The following APOO variants were observed in gnomAD, a reference collection of about 807,000 sequenced individuals.
The protein encoded by APOO is MICOS complex subunit MIC26.
A neutral mutation model predicts 23.1 loss-of-function variants in APOO; 11 were observed. The observed-to-expected ratio is 0.48, with a 90% CI of 0.30 to 0.79. The LOEUF is 0.79. Among genes scored for constraint, APOO ranks in the 30% least tolerant of loss-of-function variants. The pLI, the probability that APOO is intolerant of heterozygous loss-of-function variation, is 0.07. For synonymous variants in APOO, 59 were observed against 54.8 expected, an observed-to-expected ratio of 1.08 and a Z score of -0.34; for missense variants, 160 against 142.7, an observed-to-expected ratio of 1.12 and a Z score of -0.62.
intron 1 of APOO, among the ~76,000 whole-genome samples, chrX:23,896,427 T>C (rs1483739113): frequency 8.9e-6 from 1 of 111,855 alleles, no homozygotes; most frequent in African/African-American, 3.2e-5. Flanking sequence ...TTATAAAGGT[T>C]TGCCACAAAG....
intron 7 of APOO, among the ~76,000 whole-genome samples, chrX:23,855,912 G>A (rs1395825075): frequency 8.9e-6 from 1 of 111,962 alleles, no homozygotes; most frequent in Non-Finnish European, 1.9e-5. Context: ...CATGATAAGT[G>A]AAAAACCAAG....
At position 23,856,088 on chromosome X, in the gene APOO, G is replaced by A. The variant is rs184989232; in HGVS notation, c.561+214C>T. ...TACGGTGGAATGCATTGCATTTTAT[G>A]GTCACCACTTATTTGGCCCTGCTGA... On this transcript the variant is annotated intron_variant, in intron 7 of 8. Transcript: ENST00000379226. Among the ~76,000 whole-genome samples, 4 of 111,823 alleles carry A rather than the reference G, an allele frequency of 3.6e-5. No individual in the cohort carries two copies. In the Admixed American group the frequency reaches 3.8e-4, roughly 11 times the overall value.
At chrX:23,895,832 C>T (rs73481730) in intron 1 of APOO, among the ~76,000 whole-genome samples, 1,720 of 94,781 alleles carry the variant, frequency 0.018, 33 homozygotes, top group African/African-American at 0.059. Flanking sequence ...TCTCATTCTA[C>T]TAAAAAAAAA....
intron 7 of APOO, among the ~76,000 whole-genome samples, chrX:23,850,080 T>TC (rs1924462179): frequency 8.9e-6 from 1 of 111,763 alleles, no homozygotes; most frequent in Non-Finnish European, 1.9e-5. Flanking sequence ...ACATGCTGAA[T>TC]TAGATACAGA....
chrX:23,907,404 A>C (rs1486546329), intron 1 of APOO, among the ~76,000 whole-genome samples: 3 of 112,213 alleles, frequency 2.7e-5, no homozygotes, highest in African/African-American at 9.7e-5. Context: ...AGCCGAGGGG[A>C]TGGGTACTTT....
chrX:23,835,446 A>G (rs1345625553), intron 8 of APOO, among the ~76,000 whole-genome samples: 2 of 111,928 alleles, frequency 1.8e-5, no homozygotes, highest in African/African-American at 6.5e-5. Flanking sequence ...TTAAACATGT[A>G]AACTACTAGC....
At chrX:23,902,923 CCTAT>C (rs201079514) in intron 1 of APOO, among the ~76,000 whole-genome samples, 1,600 of 111,534 alleles carry the variant, frequency 0.014, 24 homozygotes, top group African/African-American at 0.048. Context: ...AAGGGTCTGG[CCTAT>C]CTTTTTGTTC....
At chrX:23,866,697 G>C (rs1351686170) in intron 5 of APOO, among the ~76,000 whole-genome samples, 1 of 111,158 alleles carries the variant, frequency 9.0e-6, no homozygotes, top group Non-Finnish European at 1.9e-5. Flanking sequence ...GCTAAGGTGA[G>C]AGGATCACTT....
intron 7 of APOO, among the ~76,000 whole-genome samples, chrX:23,849,583 TAAAA>T (rs143362355): frequency 0.05 from 1,618 of 32,551 alleles, 142 homozygotes; most frequent in African/African-American, 0.21. Flanking sequence ...AAGAGAGACT[TAAAA>T]AAAAAAAAAA....
chrX:23,905,593 CA>C (rs1927318414), intron 1 of APOO, among the ~76,000 whole-genome samples: 1 of 110,850 alleles, frequency 9.0e-6, no homozygotes, highest in Non-Finnish European at 1.9e-5. Context: ...CTGAAGTCCC[CA>C]GGGGTTCCTT....
intron 1 of APOO, among the ~76,000 whole-genome samples, chrX:23,904,507 T>G (rs1282828720): frequency 6.2e-5 from 6 of 97,401 alleles, no homozygotes; most frequent in African/African-American, 2.2e-4. Context: ...GACACTGGTT[T>G]TTTTTTTTTT....
At chrX:23,884,806 G>T (rs1172195172) in intron 1 of APOO, among the ~76,000 whole-genome samples, 1 of 111,339 alleles carries the variant, frequency 9.0e-6, no homozygotes, top group Non-Finnish European at 1.9e-5. Flanking sequence ...GTTTCCGATG[G>T]GTTTTTCTAG....
At chrX:23,867,690 C>T (rs1401090833) in intron 5 of APOO, among the ~76,000 whole-genome samples, 2 of 111,312 alleles carry the variant, frequency 1.8e-5, no homozygotes, top group African/African-American at 6.5e-5. Flanking sequence ...CTACAGACAC[C>T]TGCCACCACA....
intron 2 of APOO, among the ~76,000 whole-genome samples, chrX:23,879,857 T>C (rs1381971948): frequency 1.8e-5 from 2 of 111,335 alleles, no homozygotes; most frequent in Non-Finnish European, 3.8e-5. Flanking sequence ...AAAATGCCAC[T>C]GTGCCAAGGC....
At chrX:23,905,198 C>A (rs1299924915) in intron 1 of APOO, among the ~76,000 whole-genome samples, 2 of 109,097 alleles carry the variant, frequency 1.8e-5, no homozygotes, top group East Asian at 5.8e-4. Context: ...ACCAGCCTGG[C>A]CAACACATGG....
intron 4 of APOO, among the ~76,000 whole-genome samples, chrX:23,870,650 G>A (rs1925567311): frequency 9.2e-6 from 1 of 109,164 alleles, no homozygotes; most frequent in African/African-American, 3.3e-5. Context: ...AATTAGCCAG[G>A]TGTGGTGATG....
At chrX:23,907,610 C>A (rs1251769850) in intron 1 of APOO, 84 bp downstream of exon 1, 1 of 1,019,434 alleles carries the variant, frequency 9.8e-7, no homozygotes, top group East Asian at 3.7e-5. Context: ...GGCCTGGCTG[C>A]AGAGAGGCCC....
intron 4 of APOO, among the ~76,000 whole-genome samples, chrX:23,871,643 T>A (rs1925627611): frequency 9.0e-6 from 1 of 111,269 alleles, no homozygotes; most frequent in Non-Finnish European, 1.9e-5. Flanking sequence ...TGCTCCCACC[T>A]CCTCGATTTC....
rs773219545 is a variant in APOO, at chrX:23,872,521, T to TTATA, written c.292+1878_292+1881dup. ...GTATCTGTCAGCTTGTTATGAGAATTTATATATATATATATATATATATAA... is the reference window on the plus strand; with the variant it reads ...GTATCTGTCAGCTTGTTATGAGAATTTATATATATATATATATATATATATATAA... On this transcript the variant is annotated intron_variant, in intron 4 of 8. Coordinates refer to ENST00000379226, the MANE Select transcript of APOO (RefSeq NM_024122.5). 8.6e-3 allele frequency among the ~76,000 whole-genome samples: 801 copies of TTATA among 93,191 alleles called. 6 individuals are homozygous for TTATA. The highest frequency in any genetic ancestry group is 0.016 in the African/African-American group (401 of 24,874). 80.9% of individuals were successfully genotyped at this position (93,191 alleles called of 115,157 possible). A position where few individuals can be genotyped will look rare whatever the true frequency, so the allele number is the denominator to read the frequency against.
Sources: gnomAD v4.1 joint callset for allele counts (sites outside exome capture counted in the v4.1 genomes callset) on GRCh38, gnomAD v4.1.1 for gene constraint, MANE v1.5 for transcripts, NCBI Gene and HGNC (gene_info 2026-07-23, HGNC 2026-07-21) for gene names.